The following ZNF37A variants were observed in gnomAD, a reference collection of about 807,000 sequenced individuals.
ZNF37A encodes zinc finger protein 37a (KOX 21).
In ZNF37A, 10 loss-of-function variants were observed where a neutral mutation model predicts 12.3. That is an observed-to-expected ratio of 0.82 (90% CI 0.50 to 1.38). The LOEUF is 1.38. ZNF37A is among the 40% of genes most tolerant of loss of function. The probability of loss-of-function intolerance (pLI) is 0.00; values close to 1 mark genes in which losing one functional copy is unlikely to be tolerated. For missense variants in ZNF37A, 580 were observed against 651.2 expected, an observed-to-expected ratio of 0.89 and a Z score of 1.19; for synonymous variants, 207 against 223.0, an observed-to-expected ratio of 0.93 and a Z score of 0.64.
At chr10:38,127,117 A>G (rs924552287), downstream of ZNF37A, among the ~76,000 whole-genome samples, 1 of 152,062 alleles carries the variant, frequency 6.6e-6, no homozygotes, top group Non-Finnish European at 1.5e-5. Context: ...TATTGGATTG[A>G]CCCCCAAAAA....
In ZNF37A at chr10:38,115,211, A is replaced by G. The variant is rs2069172113; in HGVS notation, c.159A>G (p.Lys53=). ...CATTCACAGGGTATTGCATTCCTAA[A>G]CCAGAAGTGATTCTCAAGTTGGAGA... The part of the protein sequence containing the change: ...HLVSVGYCIP[K]PEVILKLEKG... Residue 53 remains lysine (K), a synonymous_variant, in exon 7 of 8, where the codon AAA becomes AAG. Coordinates refer to ENST00000685332, the MANE Select transcript of ZNF37A (RefSeq NM_001324250.3). The G allele has an allele frequency of 6.2e-7, 1 of 1,613,662 alleles. No homozygotes were observed. The highest frequency in any genetic ancestry group is 1.7e-5 in the Admixed American group (1 of 59,878).
chr10:38,125,029 T>C (rs904766766), downstream of ZNF37A: 26 of 152,344 alleles, frequency 1.7e-4, no homozygotes, highest in African/African-American at 6.3e-4. Flanking sequence ...CTACTCATCA[T>C]AGATCTAAAT....
chr10:38,150,036 G>A (rs1198360394), exon 8 of ZNF37A: 1 of 152,276 alleles, frequency 6.6e-6, no homozygotes, highest in Non-Finnish European at 1.5e-5. Context: ...GAGGTTGAAT[G>A]TTGTGATAAG....
rs2067056766 is a variant in ZNF37A at position 38,095,239 on chromosome 10, G to T, written c.-198+15G>T. 1 of 152,414 alleles carries T rather than the reference G, an allele frequency of 6.6e-6. No individual in the cohort carries two copies. Among genetic ancestry groups the T allele is most frequent in the South Asian group, 2.1e-4 (1 of 4,838 alleles). The allele number at this position is 152,414 out of a possible 1,614,324, so 9.4% of individuals were successfully genotyped here. On this transcript the variant is annotated intron_variant, in intron 2 of 7. Coordinates refer to ENST00000685332, the MANE Select transcript of ZNF37A (RefSeq NM_001324250.3). Reference sequence around the variant, plus strand: ...GCTGTTGTGGGGTAAGAAGGGAAGGGTGGGGGGCGAGGGCCCAGGGGCCCT... The same window carrying T: ...GCTGTTGTGGGGTAAGAAGGGAAGGTTGGGGGGCGAGGGCCCAGGGGCCCT...
In ZNF37A at chr10:38,118,433, A is replaced by G. The variant is rs766762824; in HGVS notation, c.1282A>G (p.Lys428Glu). 1.5e-5 allele frequency: 25 copies of G among 1,613,888 alleles called. No homozygotes were observed. The highest frequency in any genetic ancestry group is 2.1e-5 in the Non-Finnish European group (25 of 1,179,982). The change falls in exon 8 of 8, where the codon AAA becomes GAA. Residue 428 changes from lysine to glutamate, a missense_variant. Coordinates refer to ENST00000685332, the MANE Select transcript of ZNF37A (RefSeq NM_001324250.3). The stretch of plus-strand genomic sequence containing the variant: ...ATTCTCTGAGAAGTCAACCCTTACT[A>G]AACATCTAAGAACTCACACAGGTGA... Reference protein sequence around the residue: ...KSFSEKSTLTKHLRTHTGEKP... With the variant: ...KSFSEKSTLTEHLRTHTGEKP...
chr10:38,130,556 G>A (rs2070009178), intron 7 of ZNF37A, among the ~76,000 whole-genome samples: 1 of 152,112 alleles, frequency 6.6e-6, no homozygotes, highest in African/African-American at 2.4e-5. Context: ...TGCCTTCAGA[G>A]TTTAAGTGAT....
chr10:38,103,708 GTAT>G (rs1232628161), intron 5 of ZNF37A, among the ~76,000 whole-genome samples: 1 of 152,000 alleles, frequency 6.6e-6, no homozygotes. Context: ...TGTTTATTTT[GTAT>G]TATTTGCTTA....
At position 38,114,773 on chromosome 10, in the gene ZNF37A, G is replaced by A; in HGVS notation, c.34G>A (p.Asp12Asn). The change falls in exon 6 of 8, where the codon GAT (aspartate) becomes AAT (asparagine). Residue 12 changes from aspartate (D) to asparagine (N), a missense_variant. Coordinates refer to ENST00000685332, the MANE Select transcript of ZNF37A (RefSeq NM_001324250.3). Reference sequence around the variant, plus strand: ...TTTCCAGGGATCAGTGTCGTTTAGGGATGTGACTGTGGGCTTCACTCAAGA... The same window carrying A: ...TTTCCAGGGATCAGTGTCGTTTAGGAATGTGACTGTGGGCTTCACTCAAGA... Reference protein sequence around the residue: ...ITSQGSVSFRDVTVGFTQEEW... With the variant: ...ITSQGSVSFRNVTVGFTQEEW... 2 of 1,614,010 alleles carry A rather than the reference G, an allele frequency of 1.2e-6. No homozygotes were observed. The highest frequency in any genetic ancestry group is 2.2e-5 in the South Asian group (2 of 91,074).
intron 5 of ZNF37A, among the ~76,000 whole-genome samples, chr10:38,113,892 G>A (rs961033743): frequency 9.9e-5 from 15 of 152,178 alleles, no homozygotes; most frequent in Non-Finnish European, 2.9e-5. Flanking sequence ...TGGCCTAAAG[G>A]AAGTATGCAA....
chr10:38,129,315 A>AAAAAAAAAAAAAAAAAAC (rs2069979833), downstream of ZNF37A, among the ~76,000 whole-genome samples: 1 of 147,942 alleles, frequency 6.8e-6, no homozygotes, highest in African/African-American at 2.5e-5. Flanking sequence ...AAAAAAAAAA[A>AAAAAAAAAAAAAAAAAAC]AAAAAAACTA....
At chr10:38,125,696 T>A (rs1285198430), downstream of ZNF37A, among the ~76,000 whole-genome samples, 1 of 152,198 alleles carries the variant, frequency 6.6e-6, no homozygotes, top group Non-Finnish European at 1.5e-5. Flanking sequence ...TCAATTTTCC[T>A]ATACAATTGA....
In ZNF37A at chr10:38,118,716, C is replaced by G; in HGVS notation, c.1565C>G (p.Pro522Arg). 3 of 1,613,796 alleles carry G rather than the reference C, an allele frequency of 1.9e-6. No individual in the cohort carries two copies. Among genetic ancestry groups the G allele is most frequent in the Non-Finnish European group, 2.5e-6 (3 of 1,179,930 alleles). Reference protein sequence around the residue: ...AHHRTHTGEKPYECNVCGKSF... With the variant: ...AHHRTHTGEKRYECNVCGKSF... The stretch of plus-strand genomic sequence containing the variant: ...CATAGAACACACACAGGGGAGAAAC[C>G]CTATGAATGTAATGTTTGTGGAAAA... The change falls in exon 8 of 8, where the codon CCC becomes CGC. Residue 522 changes from proline (P) to arginine (R), a missense_variant. Transcript: ENST00000685332.
chr10:38,112,740 C>CGG (rs2068838592), intron 5 of ZNF37A, among the ~76,000 whole-genome samples: 7 of 22,358 alleles, frequency 3.1e-4, no homozygotes, highest in African/African-American at 4.0e-4. Flanking sequence ...ATTTTCTTTT[C>CGG]TTTTCTTTTC....
intron 6 of ZNF37A, 130 bp downstream of exon 6, chr10:38,115,011 C>T: frequency 1.5e-6 from 2 of 1,319,880 alleles, no homozygotes; most frequent in Non-Finnish European, 2.1e-6. Flanking sequence ...ACAATTTATC[C>T]CTTTTGGATA....
intron 4 of ZNF37A, among the ~76,000 whole-genome samples, chr10:38,096,159 T>C (rs1191613248): frequency 6.6e-6 from 1 of 152,128 alleles, no homozygotes; most frequent in Admixed American, 6.5e-5. Context: ...GGCAGGACTC[T>C]GTCTCAAAAA....
At chr10:38,110,990 C>G (rs909927121) in intron 5 of ZNF37A, among the ~76,000 whole-genome samples, 3 of 152,028 alleles carry the variant, frequency 2.0e-5, no homozygotes, top group Non-Finnish European at 4.4e-5. Flanking sequence ...GGGTATATAC[C>G]CAAAGGATTA....
At position 38,119,401 on chromosome 10, in the gene ZNF37A, GA is replaced by G; in HGVS notation, c.*565del. 3 of 989,880 alleles carry G rather than the reference GA, an allele frequency of 3.0e-6. No homozygotes were observed. The highest frequency in any genetic ancestry group is 2.4e-6 in the Non-Finnish European group (2 of 830,496). 61.3% of individuals were successfully genotyped at this position (989,880 alleles called of 1,614,324 possible). On this transcript the variant is annotated 3_prime_UTR_variant, in exon 8 of 8. Transcript: ENST00000685332. ...GAAACTATAGGAAAGCATTTACTAT[GA>G]GGTTATATTTTATGGAGTATATGTA...
At chr10:38,117,293 A>G (rs1256985222) in intron 7 of ZNF37A, 97 bp from the exon 8 acceptor site, 2 of 1,498,054 alleles carry the variant, frequency 1.3e-6, no homozygotes, top group South Asian at 2.8e-5. Context: ...ATGAGGAGAT[A>G]ATGGCCTAAA....
chr10:38,143,255 T>G (rs2070208440), intron 7 of ZNF37A: 1 of 152,164 alleles, frequency 6.6e-6, no homozygotes, highest in South Asian at 2.1e-4. Flanking sequence ...AAGGTGATTG[T>G]CTGTATTTAT....
Sources: allele counts gnomAD v4.1 joint callset (sites outside exome capture counted in the v4.1 genomes callset), GRCh38; gene constraint gnomAD v4.1.1; transcripts MANE v1.5; gene names NCBI Gene and HGNC (gene_info 2026-07-23, HGNC 2026-07-21).